Variants in TACR1 observed in about 807,000 individuals in gnomAD.
TACR1 encodes substance-P receptor.
A neutral mutation model predicts 35.8 loss-of-function variants in TACR1; 25 were observed. The ratio of observed to expected loss-of-function variants is 0.70; its 90% confidence interval spans 0.51 to 0.98. TACR1 has a LOEUF of 0.98. Among genes scored for constraint, TACR1 ranks in the 50% least tolerant of loss-of-function variants. The probability of loss-of-function intolerance (pLI) is 0.00; values close to 1 mark genes in which losing one functional copy is unlikely to be tolerated. For synonymous variants in TACR1, 195 were observed against 206.7 expected (o/e 0.94, Z 0.48); for missense variants, 478 against 522.9 (o/e 0.91, Z 0.84).
At chr2:75,177,385 A>AAT (rs1338521415) in intron 1 of TACR1, among the ~76,000 whole-genome samples, 1 of 152,132 alleles carries the variant, frequency 6.6e-6, no homozygotes, top group African/African-American at 2.4e-5. Context: ...CCTCACTTCC[A>AAT]ATATAGTTTT....
chr2:75,193,645 G>A (rs1269496268), intron 1 of TACR1, among the ~76,000 whole-genome samples: 1 of 151,976 alleles, frequency 6.6e-6, no homozygotes, highest in Non-Finnish European at 1.5e-5. Flanking sequence ...CTACCTGAAA[G>A]GTCATTTCTT....
intron 1 of TACR1, among the ~76,000 whole-genome samples, chr2:75,126,398 A>C (rs1408094265): frequency 6.6e-6 from 1 of 152,182 alleles, no homozygotes; most frequent in Non-Finnish European, 1.5e-5. Context: ...GAACATATGC[A>C]TGCATGTATC....
chr2:75,077,463 C>G (rs914404173), intron 2 of TACR1, among the ~76,000 whole-genome samples: 1 of 152,198 alleles, frequency 6.6e-6, no homozygotes, highest in African/African-American at 2.4e-5. Context: ...AAGGTAGACT[C>G]TTCCAGAAGA....
intron 1 of TACR1, among the ~76,000 whole-genome samples, chr2:75,137,728 C>CAAAAAAAAAAAAAAAAAAAAA (rs11326632): frequency 2.1e-5 from 1 of 47,514 alleles, no homozygotes; most frequent in Admixed American, 3.7e-4. Flanking sequence ...GTCTCCGTCT[C>CAAAAAAAAAAAAAAAAAAAAA]AAAAAAAAAA....
At chr2:75,115,171 T>C (rs1053770819) in intron 2 of TACR1, among the ~76,000 whole-genome samples, 31 of 149,150 alleles carry the variant, frequency 2.1e-4, no homozygotes, top group East Asian at 3.9e-4. Flanking sequence ...ATTGTCTATA[T>C]GGTAAATGAA....
At chr2:75,150,397 G>A (rs1436305113) in intron 1 of TACR1, among the ~76,000 whole-genome samples, 2 of 152,158 alleles carry the variant, frequency 1.3e-5, no homozygotes, top group African/African-American at 4.8e-5. Flanking sequence ...GGGACCCAGG[G>A]GGAGGTAATT....
At chr2:75,079,784 C>A (rs1036864975) in intron 2 of TACR1, among the ~76,000 whole-genome samples, 1 of 142,238 alleles carries the variant, frequency 7.0e-6, no homozygotes, top group Admixed American at 7.2e-5. Flanking sequence ...GAGTCATTTC[C>A]ATTCATCCTC....
intron 2 of TACR1, among the ~76,000 whole-genome samples, chr2:75,079,486 C>T (rs183218796): frequency 1.6e-3 from 247 of 152,286 alleles, no homozygotes; most frequent in African/African-American, 5.6e-3. Context: ...CCACTGGTAG[C>T]CCCACCATGC....
At chr2:75,060,663 A>G (rs1446178167) in intron 2 of TACR1, among the ~76,000 whole-genome samples, 1 of 152,200 alleles carries the variant, frequency 6.6e-6, no homozygotes, top group Non-Finnish European at 1.5e-5. Flanking sequence ...GTGGAAAACC[A>G]TGAGGTGGTT....
At chr2:75,086,514 A>G (rs1412813825) in intron 2 of TACR1, among the ~76,000 whole-genome samples, 1 of 152,180 alleles carries the variant, frequency 6.6e-6, no homozygotes, top group Non-Finnish European at 1.5e-5. Flanking sequence ...GACTGAATGA[A>G]TGAACCAGGT....
At chr2:75,189,900 G>T (rs1675801801) in intron 1 of TACR1, 1 of 152,100 alleles carries the variant, frequency 6.6e-6, no homozygotes, top group East Asian at 1.9e-4. Context: ...TATTTGATTT[G>T]TTAAGCTTAT....
intron 2 of TACR1, among the ~76,000 whole-genome samples, chr2:75,077,693 G>A (rs774660087): frequency 8.5e-5 from 13 of 152,202 alleles, no homozygotes; most frequent in Non-Finnish European, 1.8e-4. Context: ...TGGGGTAACA[G>A]TGATGAACAA....
intron 1 of TACR1, among the ~76,000 whole-genome samples, chr2:75,138,982 T>C (rs1211340688): frequency 1.3e-5 from 2 of 152,122 alleles, no homozygotes; most frequent in African/African-American, 4.8e-5. Context: ...CATGAGAACA[T>C]GCAACAAGGG....
At position 75,046,799 on chromosome 2, in the gene TACR1, G is replaced by C. The variant is rs1672377145; in HGVS notation, c.*2633C>G. 6.6e-6 allele frequency: 1 copy of C among 152,242 alleles called. No homozygotes were observed. Among genetic ancestry groups the C allele is most frequent in the Admixed American group, 6.5e-5 (1 of 15,282 alleles). 9.4% of individuals were successfully genotyped at this position (152,242 alleles called of 1,614,324 possible). ...AAAGCATGAGGAGGAAGAGGAGGAAGAGATTCACACAATACAAATATCACA... is the reference window on the plus strand; with the variant it reads ...AAAGCATGAGGAGGAAGAGGAGGAACAGATTCACACAATACAAATATCACA... On this transcript the variant is annotated 3_prime_UTR_variant, in exon 5 of 5. Coordinates refer to ENST00000305249, the MANE Select transcript of TACR1 (RefSeq NM_001058.4).
rs1236425499 is a variant in TACR1, at chr2:75,120,482, A to C, written c.584+92T>G. The C allele has an allele frequency of 4.0e-6, 5 of 1,254,808 alleles. No individual in the cohort carries two copies. In the South Asian group the frequency reaches 4.7e-5, roughly 12 times the overall value. 77.7% of individuals were successfully genotyped at this position (1,254,808 alleles called of 1,614,324 possible). Reference sequence around the variant, plus strand: ...AGATACACATTAAATCTGTACCAACAAAAGAATATGGAAAGAAAGAAAGAG... The same window carrying C: ...AGATACACATTAAATCTGTACCAACCAAAGAATATGGAAAGAAAGAAAGAG... On this transcript the variant is annotated intron_variant, in intron 2 of 4. Transcript: ENST00000305249.
intron 1 of TACR1, among the ~76,000 whole-genome samples, chr2:75,146,528 G>A (rs557872123): frequency 7.2e-5 from 11 of 152,300 alleles, no homozygotes; most frequent in Admixed American, 1.3e-4. Flanking sequence ...AGAAGAGTCC[G>A]CTGTATTTGG....
intron 1 of TACR1, among the ~76,000 whole-genome samples, chr2:75,191,160 A>G (rs1347031568): frequency 6.6e-6 from 1 of 152,182 alleles, no homozygotes; most frequent in African/African-American, 2.4e-5. Flanking sequence ...AGTTTGGTGC[A>G]ATGTAAGCCA....
chr2:75,101,309 A>G (rs1673530008), intron 2 of TACR1, among the ~76,000 whole-genome samples: 1 of 152,230 alleles, frequency 6.6e-6, no homozygotes, highest in Admixed American at 6.5e-5. Flanking sequence ...CCTCTCATTA[A>G]TGATACTTCA....
Position 75,198,647 on chromosome 2 carries a change from G to C in TACR1, c.288C>G (p.Asn96Lys). ...AGTAGAACAGGCCGTAGTACCATTC[G>C]TTGTGGACAGCATAGGTGAAGTTCA... ...TVVNFTYAVHNEWYYGLFYCK... is the reference protein window; with the variant it reads ...TVVNFTYAVHKEWYYGLFYCK... Residue 96 changes from asparagine (N) to lysine (K), a missense_variant, in exon 1 of 5, where the codon AAC becomes AAG. Transcript: ENST00000305249. 6.2e-7 allele frequency: 1 copy of C among 1,614,226 alleles called. No homozygotes were observed. The highest frequency in any genetic ancestry group is 1.1e-5 in the South Asian group (1 of 91,082).
Sources: gnomAD v4.1 joint callset for allele counts (sites outside exome capture counted in the v4.1 genomes callset) on GRCh38, gnomAD v4.1.1 for gene constraint, MANE v1.5 for transcripts, NCBI Gene and HGNC (gene_info 2026-07-23, HGNC 2026-07-21) for gene names.